PCSK1: variants seen among roughly 807,000 people sequenced by gnomAD.
The protein encoded by PCSK1 is neuroendocrine convertase 1.
Under a neutral mutation model 90.6 loss-of-function variants are expected in PCSK1, and 56 were observed. That is an observed-to-expected ratio of 0.62 (90% CI 0.50 to 0.77). The LOEUF is 0.77. Ranked by LOEUF, PCSK1 falls within the 30% of genes least tolerant of loss-of-function variation. The probability of loss-of-function intolerance (pLI) is 0.00; values close to 1 mark genes in which losing one functional copy is unlikely to be tolerated. For synonymous variants in PCSK1, 348 were observed against 342.4 expected, an observed-to-expected ratio of 1.02 and a Z score of -0.18; for missense variants, 801 against 932.6, an observed-to-expected ratio of 0.86 and a Z score of 1.84.
chr5:96,422,572 G>A (rs1036418559), intron 4 of PCSK1, among the ~76,000 whole-genome samples: 9 of 152,186 alleles, frequency 5.9e-5, no homozygotes, highest in South Asian at 4.2e-4. Context: ...AATGCTTTCC[G>A]TATATTTCAA....
chr5:96,399,573 T>A (rs1760280851), intron 10 of PCSK1, among the ~76,000 whole-genome samples: 1 of 152,228 alleles, frequency 6.6e-6, no homozygotes, highest in Non-Finnish European at 1.5e-5. Context: ...AAGCAGATTT[T>A]GGGTAAAACT....
rs1260937603 is a variant in PCSK1 at position 96,432,276 on chromosome 5, C to T, written c.180+587G>A. 5.7e-6 allele frequency: 4 copies of T among 699,638 alleles called. No individual in the cohort carries two copies. The African/African-American group carries it at 7.1e-5, about 12-fold the overall frequency. 43.3% of individuals were successfully genotyped at this position (699,638 alleles called of 1,614,324 possible). On this transcript the variant is annotated intron_variant, in intron 1 of 13. Coordinates refer to ENST00000311106, the MANE Select transcript of PCSK1 (RefSeq NM_000439.5). Reference sequence around the variant, plus strand: ...CACCCACCATTTCTCCCCCCAGCTTCCCAGGCTACTCCGCGGCCTCCCAAC... The same window carrying T: ...CACCCACCATTTCTCCCCCCAGCTTTCCAGGCTACTCCGCGGCCTCCCAAC...
Position 96,409,767 on chromosome 5 carries a change from G to A in PCSK1, c.1095+1007C>T, listed in dbSNP as rs117649237. On this transcript the variant is annotated intron_variant, in intron 8 of 13. Coordinates refer to ENST00000311106, the MANE Select transcript of PCSK1 (RefSeq NM_000439.5). ...AAATGTGCCTGCCATAAAACCCCTC[G>A]GTAGAATGCCACTGTCTATTACTTG... is the stretch of plus-strand genomic sequence containing the variant. Among the ~76,000 whole-genome samples, 29 of 152,266 alleles carry A rather than the reference G, an allele frequency of 1.9e-4. No homozygotes were observed. The East Asian group carries it at 4.6e-3, about 24-fold the overall frequency.
At chr5:96,415,971 A>T in intron 6 of PCSK1, 62 bp downstream of exon 6, 1 of 1,028,554 alleles carries the variant, frequency 9.7e-7, no homozygotes, top group Admixed American at 1.7e-5. Context: ...TCCCCCATTT[A>T]CAATGGGTGA....
At position 96,395,034 on chromosome 5, in the gene PCSK1, T is replaced by C. The variant is rs377749194; in HGVS notation, c.1723-9A>G. The C allele has an allele frequency of 6.4e-5, 102 of 1,599,814 alleles. No homozygotes were observed. The African/African-American group carries it at 1.3e-3, about 20-fold the overall frequency. ...TTTTGAATTCTTCCAGACTAACAAA[T>C]AAGCATACCTACATTTAGTATGTGT... On this transcript the variant is annotated splice_polypyrimidine_tract_variant and intron_variant, in intron 12 of 13. Transcript: ENST00000311106.
At chr5:96,428,374 C>A (rs929265811) in intron 2 of PCSK1, among the ~76,000 whole-genome samples, 2 of 152,052 alleles carry the variant, frequency 1.3e-5, no homozygotes, top group Admixed American at 6.5e-5. Context: ...AGATATCAGG[C>A]GAATCAGGAT....
At chr5:96,394,075 A>G (rs919957521) in intron 13 of PCSK1, among the ~76,000 whole-genome samples, 1 of 152,250 alleles carries the variant, frequency 6.6e-6, no homozygotes, top group Non-Finnish European at 1.5e-5. Context: ...TGAGGCCTTC[A>G]CAGTTCATGT....
chr5:96,430,756 C>T (rs769089113), intron 1 of PCSK1, among the ~76,000 whole-genome samples: 7 of 152,100 alleles, frequency 4.6e-5, no homozygotes, highest in Admixed American at 6.5e-5. Context: ...GTAATGCCAT[C>T]TTAACTAAAA....
intron 5 of PCSK1, among the ~76,000 whole-genome samples, chr5:96,417,332 T>C (rs1026048356): frequency 8.5e-5 from 13 of 152,144 alleles, no homozygotes; most frequent in African/African-American, 3.1e-4. Flanking sequence ...ATAATTATCT[T>C]TAATTCAAGA....
intron 5 of PCSK1, among the ~76,000 whole-genome samples, chr5:96,418,495 G>A (rs1188007653): frequency 6.6e-6 from 1 of 152,174 alleles, no homozygotes; most frequent in African/African-American, 2.4e-5. Flanking sequence ...TACCTGCACT[G>A]TTAAGATTTT....
In PCSK1 at chr5:96,429,255, C is replaced by A; in HGVS notation, c.243G>T (p.Arg81Ser). The change falls in exon 2 of 14, where the codon AGG (arginine) becomes AGT (serine). Residue 81 changes from arginine (R) to serine (S), a missense_variant. Coordinates refer to ENST00000311106, the MANE Select transcript of PCSK1 (RefSeq NM_000439.5). ...ATCTCTTAGTGATATGAAAGGCACT[C>A]CTTCGAGACCTTCTGGGGTGGTTTT... Reference protein sequence around the residue: ...KHKNHPRRSRRSAFHITKRLS... With the variant: ...KHKNHPRRSRSSAFHITKRLS... The A allele has an allele frequency of 2.5e-6, 4 of 1,603,134 alleles. No individual in the cohort carries two copies. The highest frequency in any genetic ancestry group is 3.4e-6 in the Non-Finnish European group (4 of 1,170,234).
chr5:96,416,046 A>G lies in PCSK1; in HGVS notation c.696T>C (p.Asn232=). ...CCTCTGTTTTACCTCCAACTTTGGAATTGTATGCAACTCCAACCCCGCATT... is the reference window on the plus strand; with the variant it reads ...CCTCTGTTTTACCTCCAACTTTGGAGTTGTATGCAACTCCAACCCCGCATT... ...NHKCGVGVAY[N]SKVGGIRMLD... The change falls in exon 6 of 14, where the codon AAT becomes AAC. Residue 232 remains asparagine (N), a synonymous_variant. Transcript: ENST00000311106. 6.2e-7 allele frequency: 1 copy of G among 1,607,128 alleles called. No individual in the cohort carries two copies. Among genetic ancestry groups the G allele is most frequent in the Non-Finnish European group, 8.5e-7 (1 of 1,173,628 alleles).
chr5:96,410,137 G>A (rs1035236413), intron 8 of PCSK1, among the ~76,000 whole-genome samples: 9 of 152,100 alleles, frequency 5.9e-5, no homozygotes, highest in East Asian at 1.9e-4. Context: ...CCCCTCCATC[G>A]TCATGCCCTT....
chr5:96,394,504 G>A (rs1310093832), intron 13 of PCSK1, among the ~76,000 whole-genome samples: 1 of 152,142 alleles, frequency 6.6e-6, no homozygotes, highest in East Asian at 1.9e-4. Flanking sequence ...GGGATTATAG[G>A]TTAATGAGAC....
chr5:96,433,000 G>T lies in PCSK1; in HGVS notation c.43C>A (p.Leu15Ile). The change falls in exon 1 of 14, where the codon CTC becomes ATC. Residue 15 changes from leucine to isoleucine, a missense_variant. Coordinates refer to ENST00000311106, the MANE Select transcript of PCSK1 (RefSeq NM_000439.5). ...AWSLQCTAFV[L>I]FCAWCALNSA... ...TTCAGTGCACACCAAGCGCAAAAGA[G>T]GACGAAAGCAGTGCACTGCAGACTC... is the stretch of plus-strand genomic sequence containing the variant. 6.2e-7 allele frequency: 1 copy of T among 1,614,236 alleles called. No homozygotes were observed. The highest frequency in any genetic ancestry group is 8.5e-7 in the Non-Finnish European group (1 of 1,180,020).
At chr5:96,418,860 A>G (rs533563417) in intron 5 of PCSK1, among the ~76,000 whole-genome samples, 1 of 152,320 alleles carries the variant, frequency 6.6e-6, no homozygotes, top group Admixed American at 6.5e-5. Context: ...GAATTGGCTC[A>G]GAAAATTGAC....
chr5:96,429,538 T>A (rs780545105), intron 1 of PCSK1, among the ~76,000 whole-genome samples: 1 of 152,168 alleles, frequency 6.6e-6, no homozygotes, highest in South Asian at 2.1e-4. Flanking sequence ...TTTGTACAGA[T>A]TATTTCATCA....
At chr5:96,414,070 C>G (rs181467786) in intron 6 of PCSK1, among the ~76,000 whole-genome samples, 1 of 142,792 alleles carries the variant, frequency 7.0e-6, no homozygotes, top group South Asian at 2.2e-4. Flanking sequence ...ACCCGGGAGG[C>G]GGAGCTTGCA....
chr5:96,432,827 G>A lies in PCSK1; in HGVS notation c.180+36C>T, dbSNP rs183891097. The A allele has an allele frequency of 2.5e-6, 4 of 1,596,702 alleles. No individual in the cohort carries two copies. The East Asian group carries it at 8.9e-5, about 36-fold the overall frequency. ...CGCTCCAGTCCCGCCAGTCCCCTGG[G>A]GCCCCAGAAAGTTTCTTGAAAGTGG... On this transcript the variant is annotated intron_variant, in intron 1 of 13. Transcript: ENST00000311106.
Sources: gnomAD v4.1 joint callset for allele counts (sites outside exome capture counted in the v4.1 genomes callset) on GRCh38, gnomAD v4.1.1 for gene constraint, MANE v1.5 for transcripts, NCBI Gene and HGNC (gene_info 2026-07-23, HGNC 2026-07-21) for gene names.